The following DHRSX variants were observed in gnomAD, a reference collection of about 807,000 sequenced individuals.
DHRSX encodes dehydrogenase/reductase X-linked, also known as polyprenol dehydrogenase.
A neutral mutation model predicts 34.0 loss-of-function variants in DHRSX; 31 were observed. The ratio of observed to expected loss-of-function variants is 0.91; its 90% CI spans 0.69 to 1.23. The LOEUF (loss-of-function observed/expected upper bound fraction) is 1.23, where lower values mean the gene tolerates loss of function less well. Ranked by LOEUF, DHRSX falls within the 50% of genes most tolerant of loss-of-function variation. The pLI, the probability that DHRSX is intolerant of heterozygous loss-of-function variation, is 0.00. For synonymous variants in DHRSX, 201 were observed against 183.8 expected, an observed-to-expected ratio of 1.09 and a Z score of -0.76; for missense variants, 414 against 428.1, an observed-to-expected ratio of 0.97 and a Z score of 0.29.
intron 3 of DHRSX, among the ~76,000 whole-genome samples, chrX:2,394,343 G>A (rs1000644421): frequency 2.6e-5 from 4 of 152,172 alleles, no homozygotes; most frequent in Non-Finnish European, 5.9e-5. Flanking sequence ...GAGGGAAATC[G>A]GCCCCACCCA....
intron 3 of DHRSX, among the ~76,000 whole-genome samples, chrX:2,306,437 C>A (rs1361951971): frequency 2.0e-5 from 3 of 151,660 alleles, no homozygotes; most frequent in Non-Finnish European, 4.4e-5. Flanking sequence ...GGAATGAAGC[C>A]CACAATTAAG....
At chrX:2,291,633 G>T in intron 3 of DHRSX, 30 bp from the exon 4 acceptor site, 1 of 1,493,754 alleles carries the variant, frequency 6.7e-7, no homozygotes, top group Non-Finnish European at 9.3e-7. Context: ...AAAAATACCT[G>T]GTTATCTCCC....
rs187448043 is a variant in DHRSX, at chrX:2,437,436, T to C, written c.110-12132A>G. Among the ~76,000 whole-genome samples the C allele has an allele frequency of 1.8e-4, 27 of 152,150 alleles. 1 individual carries two copies. In the East Asian group the frequency reaches 4.9e-3, roughly 27 times the overall value. On this transcript the variant is annotated intron_variant, in intron 1 of 6. Coordinates refer to ENST00000334651, the MANE Select transcript of DHRSX (RefSeq NM_145177.3). ...CTGACCAACATAGTGAAACCCCGTC[T>C]CTACTAAAAATACAAAAATTATCCA...
chrX:2,485,868 G>C (rs1379841505), intron 1 of DHRSX, among the ~76,000 whole-genome samples: 1 of 132,876 alleles, frequency 7.5e-6, no homozygotes, highest in Non-Finnish European at 1.7e-5. Flanking sequence ...GAAGGGAAGG[G>C]AGGGAAGGAA....
intron 5 of DHRSX, among the ~76,000 whole-genome samples, chrX:2,248,230 G>A (rs995422194): frequency 2.0e-5 from 3 of 152,034 alleles, no homozygotes; most frequent in Non-Finnish European, 4.4e-5. Flanking sequence ...TCAGGAGATC[G>A]AGACTATCTT....
chrX:2,418,269 A>G (rs2043721168), intron 2 of DHRSX, among the ~76,000 whole-genome samples: 1 of 152,090 alleles, frequency 6.6e-6, no homozygotes, highest in Admixed American at 6.6e-5. Context: ...ATTACATTCT[A>G]CTCAACTACT....
At position 2,254,891 on chromosome X, in the gene DHRSX, C is replaced by G. The variant is rs140043120; in HGVS notation, c.597-11661G>C. On this transcript the variant is annotated intron_variant, in intron 5 of 6. Transcript: ENST00000334651. The stretch of plus-strand genomic sequence containing the variant: ...GATCTCCTGACCTTGTGATCCACCC[C>G]CTAGGCCTCCCATAGTGGTGGGATT... 8.7e-3 allele frequency among the ~76,000 whole-genome samples: 1,322 copies of G among 151,396 alleles called. 15 individuals are homozygous for G. Among genetic ancestry groups the G allele is most frequent in the African/African-American group, 0.03 (1,252 of 41,204 alleles).
intron 1 of DHRSX, among the ~76,000 whole-genome samples, chrX:2,479,310 C>T (rs1455938137): frequency 6.8e-6 from 1 of 147,898 alleles, no homozygotes; most frequent in Non-Finnish European, 1.5e-5. Context: ...GACTCCCGCA[C>T]TGTGCACACT....
chrX:2,255,620 A>C (rs1323060280), intron 5 of DHRSX, among the ~76,000 whole-genome samples: 2 of 152,036 alleles, frequency 1.3e-5, no homozygotes, highest in Non-Finnish European at 2.9e-5. Context: ...TAGGTAGAGA[A>C]TCTATCATGG....
intron 2 of DHRSX, among the ~76,000 whole-genome samples, chrX:2,413,856 A>G (rs1371050560): frequency 1.3e-5 from 2 of 152,074 alleles, no homozygotes; most frequent in Non-Finnish European, 2.9e-5. Flanking sequence ...CCCTAACCCA[A>G]CTAGACCTCA....
chrX:2,399,611 C>G (rs975999135), intron 3 of DHRSX, among the ~76,000 whole-genome samples: 2 of 151,022 alleles, frequency 1.3e-5, no homozygotes, highest in African/African-American at 4.9e-5. Context: ...GAGGCTGAGG[C>G]AGGAGAATGG....
chrX:2,411,082 T>C (rs189059104), intron 2 of DHRSX, among the ~76,000 whole-genome samples: 2 of 152,230 alleles, frequency 1.3e-5, no homozygotes, highest in East Asian at 3.9e-4. Context: ...AAATGTCCTA[T>C]GCATCAAACA....
intron 5 of DHRSX, among the ~76,000 whole-genome samples, chrX:2,265,169 G>T (rs1426692386): frequency 8.4e-6 from 1 of 119,038 alleles, no homozygotes; most frequent in Non-Finnish European, 1.8e-5. Context: ...TCCAGCAGAC[G>T]CAGGGAGCAC....
chrX:2,249,057 AC>A (rs2016371095), intron 5 of DHRSX, among the ~76,000 whole-genome samples: 1 of 152,148 alleles, frequency 6.6e-6, no homozygotes, highest in Non-Finnish European at 1.5e-5. Context: ...CTCCTATCAC[AC>A]TGTCATCATT....
chrX:2,443,502 A>G (rs1395222427), intron 1 of DHRSX, among the ~76,000 whole-genome samples: 1 of 152,156 alleles, frequency 6.6e-6, no homozygotes, highest in Non-Finnish European at 1.5e-5. Flanking sequence ...CTCTCCGGAC[A>G]CAGCACCCCG....
At chrX:2,393,228 A>T (rs1389407550) in intron 3 of DHRSX, among the ~76,000 whole-genome samples, 1 of 151,368 alleles carries the variant, frequency 6.6e-6, no homozygotes, top group African/African-American at 2.4e-5. Flanking sequence ...AAATATATGA[A>T]CCTAAAATAT....
chrX:2,405,782 G>T (rs1477857025), intron 3 of DHRSX, among the ~76,000 whole-genome samples: 1 of 151,982 alleles, frequency 6.6e-6, no homozygotes, highest in Non-Finnish European at 1.5e-5. Flanking sequence ...GGGCAACAGA[G>T]TGAGACCCTG....
chrX:2,399,117 T>C (rs1328489424), intron 3 of DHRSX, among the ~76,000 whole-genome samples: 1 of 117,952 alleles, frequency 8.5e-6, no homozygotes, highest in South Asian at 3.2e-4. Flanking sequence ...GCCATAGAGA[T>C]TTGGAAGGTT....
At chrX:2,459,399 G>C (rs774652796) in intron 1 of DHRSX, among the ~76,000 whole-genome samples, 2 of 151,668 alleles carry the variant, frequency 1.3e-5, no homozygotes, top group South Asian at 4.2e-4. Flanking sequence ...TAGGTCAATG[G>C]TTAATATGTT....
Sources: allele counts gnomAD v4.1 joint callset (sites outside exome capture counted in the v4.1 genomes callset), GRCh38; gene constraint gnomAD v4.1.1; transcripts MANE v1.5; gene names NCBI Gene and HGNC (gene_info 2026-07-23, HGNC 2026-07-21).